Variants in MRPL37 observed in about 807,000 individuals in gnomAD.
The protein encoded by MRPL37 is large ribosomal subunit protein mL37.
MRPL37 carries 34 observed loss-of-function variants against 44.1 expected under a neutral mutation model. The ratio of observed to expected loss-of-function variants is 0.77; its 90% CI spans 0.59 to 1.03. MRPL37 has a LOEUF of 1.03. Ranked by LOEUF, MRPL37 falls within the 50% of genes least tolerant of loss-of-function variation. The pLI is 0.00. For missense variants in MRPL37, 532 were observed against 543.7 expected (o/e 0.98, Z 0.21); for synonymous variants, 212 against 219.5 (o/e 0.97, Z 0.30).
chr1:54,209,447 T>C (rs985496374), intron 3 of MRPL37, among the ~76,000 whole-genome samples: 2 of 148,788 alleles, frequency 1.3e-5, no homozygotes, highest in African/African-American at 5.0e-5. Context: ...GAGAAAGTCT[T>C]TAATTTTTTT....
chr1:54,223,997 G>A (rs1644255722), downstream of MRPL37, among the ~76,000 whole-genome samples: 1 of 152,308 alleles, frequency 6.6e-6, no homozygotes, highest in South Asian at 2.1e-4. Flanking sequence ...CAGGCTGAGG[G>A]GTAGCACAGC....
At chr1:54,217,564 ACTT>A (rs758964894) in intron 6 of MRPL37, among the ~76,000 whole-genome samples, 17 of 151,380 alleles carry the variant, frequency 1.1e-4, no homozygotes, top group Non-Finnish European at 2.4e-4. Context: ...CTTCATTTCT[ACTT>A]CTTCTATTGC....
downstream of MRPL37, among the ~76,000 whole-genome samples, chr1:54,218,947 G>A (rs777156410): frequency 1.3e-5 from 2 of 152,222 alleles, no homozygotes; most frequent in Non-Finnish European, 2.9e-5. Context: ...AAGAAAACAC[G>A]GATAATTTAA....
downstream of MRPL37, among the ~76,000 whole-genome samples, chr1:54,223,256 GC>G (rs1644248215): frequency 6.6e-6 from 1 of 152,072 alleles, no homozygotes; most frequent in African/African-American, 2.4e-5. Flanking sequence ...ACCCCACCCT[GC>G]CCAGCCACTC....
intron 1 of MRPL37, among the ~76,000 whole-genome samples, chr1:54,201,210 G>A (rs923531499): frequency 1.3e-5 from 2 of 152,180 alleles, no homozygotes; most frequent in Non-Finnish European, 2.9e-5. Context: ...ATAGGGATGG[G>A]GCAGGTCTTG....
chr1:54,213,347 G>C (rs971635276), intron 5 of MRPL37, among the ~76,000 whole-genome samples: 1 of 152,320 alleles, frequency 6.6e-6, no homozygotes, highest in East Asian at 1.9e-4. Context: ...GGTGTGTTGG[G>C]GGGTAGTTCA....
intron 1 of MRPL37, among the ~76,000 whole-genome samples, chr1:54,203,117 G>A (rs374462483): frequency 1.3e-5 from 2 of 152,068 alleles, no homozygotes; most frequent in Non-Finnish European, 2.9e-5. Context: ...AGACTATCAG[G>A]CTAAACTGAA....
At position 54,205,171 on chromosome 1, in the gene MRPL37, C is replaced by A; in HGVS notation, c.500C>A (p.Thr167Asn). Residue 167 changes from threonine to asparagine, a missense_variant, in exon 2 of 7, where the codon ACT becomes AAT. Thr to Asn is a moderately conservative substitution (Grantham distance 65, BLOSUM62 0). Transcript: ENST00000360840. ...VISHARLWQT[T>N]EEIPKRETYC... ...TCTCACGCCCGTCTCTGGCAGACCA[C>A]TGAGGAAATCCCCAAGAGAGAGACC... 6.2e-7 allele frequency: 1 copy of A among 1,614,148 alleles called. No individual in the cohort carries two copies. Among genetic ancestry groups the A allele is most frequent in the Non-Finnish European group, 8.5e-7 (1 of 1,180,004 alleles).
downstream of MRPL37, among the ~76,000 whole-genome samples, chr1:54,219,668 A>G (rs1450845146): frequency 6.6e-6 from 1 of 152,254 alleles, no homozygotes; most frequent in Non-Finnish European, 1.5e-5. Flanking sequence ...GAGTTCAGGG[A>G]AAGATAAGTC....
chr1:54,218,042 C>T (rs796261972), intron 6 of MRPL37, 130 bp from the exon 7 acceptor site: 19 of 877,354 alleles, frequency 2.2e-5, no homozygotes, highest in South Asian at 1.8e-4. Flanking sequence ...CTTCTTAGTC[C>T]GAGAGAGAGA....
chr1:54,206,066 CT>C (rs1165675377), intron 3 of MRPL37, among the ~76,000 whole-genome samples: 1 of 151,838 alleles, frequency 6.6e-6, no homozygotes, highest in Non-Finnish European at 1.5e-5. Flanking sequence ...CTGGAATACT[CT>C]TTTTTGTTTG....
intron 3 of MRPL37, among the ~76,000 whole-genome samples, chr1:54,208,251 C>T (rs1349591563): frequency 6.6e-6 from 1 of 152,092 alleles, no homozygotes. Context: ...TTAAGAATCT[C>T]CTCTGCCTTG....
At position 54,212,548 on chromosome 1, in the gene MRPL37, C is replaced by T. The variant is rs758903373; in HGVS notation, c.880C>T (p.Leu294=). ...PYPYPHTLYL[L]DKANLRPHRL... The stretch of plus-strand genomic sequence containing the variant: ...CCCCTATCCCCATACCCTGTACTTA[C>T]TGGACAAAGCCAATTTACGACCACA... Residue 294 remains leucine, a synonymous_variant, in exon 5 of 7, where the codon CTG becomes TTG. Transcript: ENST00000360840. The T allele has an allele frequency of 5.9e-5, 96 of 1,614,076 alleles. No individual in the cohort carries two copies. Among genetic ancestry groups the T allele is most frequent in the Middle Eastern group, 3.3e-4 (2 of 6,084 alleles).
At chr1:54,212,896 CCCCA>C (rs1183524422) in intron 5 of MRPL37, among the ~76,000 whole-genome samples, 2 of 152,220 alleles carry the variant, frequency 1.3e-5, no homozygotes, top group Non-Finnish European at 2.9e-5. Flanking sequence ...TTACTGAAGT[CCCCA>C]CTTTCTAAGC....
rs769123671 is a variant in MRPL37, at chr1:54,205,037, G to C, written c.366G>C (p.Trp122Cys). The C allele has an allele frequency of 3.7e-6, 6 of 1,613,940 alleles. No homozygotes were observed. The South Asian group carries it at 4.4e-5, about 12-fold the overall frequency. ...TCAAAGGTGTAAAGCAGGCCCTCTG[G>C]CTCACCAAGACCAAGTTAATAGAAG... ...RLLEGVKQALWLTKTKLIEGL... is the reference protein window; with the variant it reads ...RLLEGVKQALCLTKTKLIEGL... Residue 122 changes from tryptophan (W) to cysteine (C), a missense_variant, in exon 2 of 7, where the codon TGG becomes TGC. Coordinates refer to ENST00000360840, the MANE Select transcript of MRPL37 (RefSeq NM_016491.4).
intron 1 of MRPL37, among the ~76,000 whole-genome samples, chr1:54,201,279 A>T (rs894347926): frequency 3.9e-5 from 6 of 152,272 alleles, no homozygotes; most frequent in African/African-American, 1.4e-4. Context: ...TTAGGGGGGA[A>T]AAAAAAGGCA....
downstream of MRPL37, among the ~76,000 whole-genome samples, chr1:54,223,834 G>A (rs1358518710): frequency 6.6e-6 from 1 of 152,212 alleles, no homozygotes; most frequent in Non-Finnish European, 1.5e-5. Context: ...ACTGGCTCAT[G>A]TAGAGCTCTG....
chr1:54,214,951 G>A (rs750781689), intron 5 of MRPL37, among the ~76,000 whole-genome samples: 2 of 152,150 alleles, frequency 1.3e-5, no homozygotes, highest in Non-Finnish European at 2.9e-5. Context: ...CCCCAGTGTG[G>A]CCCACACTGA....
At chr1:54,221,004 C>T (rs1644230167), downstream of MRPL37, 1 of 367,868 alleles carries the variant, frequency 2.7e-6, no homozygotes, top group Non-Finnish European at 5.6e-6. Context: ...GCCACTTTTC[C>T]CCTCCTGTAT....
Sources: gnomAD v4.1 joint callset for allele counts (sites outside exome capture counted in the v4.1 genomes callset) on GRCh38, gnomAD v4.1.1 for gene constraint, MANE v1.5 for transcripts, NCBI Gene and HGNC (gene_info 2026-07-23, HGNC 2026-07-21) for gene names.